The following ENOX1 variants were observed in gnomAD, a reference collection of about 807,000 sequenced individuals.
ENOX1 encodes the protein ecto-NOX disulfide-thiol exchanger 1, also known as candidate growth-related and time keeping constitutive hydroquinone (NADH) oxidase.
In ENOX1, 42 loss-of-function variants were observed where a neutral mutation model predicts 82.5. The ratio of observed to expected loss-of-function variants is 0.51; its 90% CI spans 0.40 to 0.66. ENOX1 has a LOEUF of 0.66. Among genes scored for constraint, ENOX1 ranks in the 30% least tolerant of loss-of-function variants. The pLI, the probability that ENOX1 is intolerant of heterozygous loss-of-function variation, is 0.00. For missense variants in ENOX1, 608 were observed against 811.6 expected, an observed-to-expected ratio of 0.75 and a Z score of 3.05; for synonymous variants, 271 against 282.2, an observed-to-expected ratio of 0.96 and a Z score of 0.40.
At chr13:43,463,992 T>C (rs1239605785) in intron 3 of ENOX1, among the ~76,000 whole-genome samples, 2 of 152,190 alleles carry the variant, frequency 1.3e-5, no homozygotes, top group Admixed American at 6.5e-5. Flanking sequence ...TGTGGACTAT[T>C]TGCAGGCAAG....
chr13:43,692,237 GAAA>G (rs1305536022), intron 1 of ENOX1, among the ~76,000 whole-genome samples: 1 of 152,086 alleles, frequency 6.6e-6, no homozygotes, highest in African/African-American at 2.4e-5. Context: ...TTAACATACA[GAAA>G]AAATAATTTT....
rs758590526 is a variant in ENOX1, at chr13:43,361,402, T to C, written c.259A>G (p.Ile87Val). 3 of 1,613,392 alleles carry C rather than the reference T, an allele frequency of 1.9e-6. No homozygotes were observed. The highest frequency in any genetic ancestry group is 3.3e-5 in the Admixed American group (2 of 59,816). Reference protein sequence around the residue: ...FDPSLNMMTGITPINPMIPGL... With the variant: ...FDPSLNMMTGVTPINPMIPGL... ...GGTATCATTGGGTTAATGGGGGTGA[T>C]TCCAGTCATCATGTTGAGGCTTGGA... The change falls in exon 6 of 17, where the codon ATC becomes GTC. Residue 87 changes from isoleucine to valine, a missense_variant. Transcript: ENST00000690772.
At chr13:43,754,634 G>C (rs1950549928) in intron 1 of ENOX1, among the ~76,000 whole-genome samples, 1 of 151,838 alleles carries the variant, frequency 6.6e-6, no homozygotes, top group Non-Finnish European at 1.5e-5. Flanking sequence ...ACCCAGGCTA[G>C]AGTGCAGTGG....
chr13:43,738,381 T>A (rs1359311736), intron 1 of ENOX1, among the ~76,000 whole-genome samples: 5 of 152,180 alleles, frequency 3.3e-5, no homozygotes, highest in Non-Finnish European at 7.4e-5. Context: ...ATTGAAAACA[T>A]CTAGTCTATG....
At chr13:43,664,602 C>T (rs1371076218) in intron 2 of ENOX1, among the ~76,000 whole-genome samples, 1 of 152,190 alleles carries the variant, frequency 6.6e-6, no homozygotes, top group African/African-American at 2.4e-5. Context: ...AACAAATTAA[C>T]TGTTTCAATT....
intron 8 of ENOX1, among the ~76,000 whole-genome samples, chr13:43,351,126 G>A (rs1283539818): frequency 6.6e-6 from 1 of 152,182 alleles, no homozygotes; most frequent in African/African-American, 2.4e-5. Flanking sequence ...TTTCAGTATG[G>A]TCAAAGCATT....
chr13:43,634,071 GA>G (rs1416037247), intron 2 of ENOX1, among the ~76,000 whole-genome samples: 1 of 152,142 alleles, frequency 6.6e-6, no homozygotes, highest in Non-Finnish European at 1.5e-5. Context: ...TGAACTGGCA[GA>G]AAGTTATTCA....
At chr13:43,559,185 G>T (rs1239645244) in intron 2 of ENOX1, among the ~76,000 whole-genome samples, 2 of 152,184 alleles carry the variant, frequency 1.3e-5, no homozygotes, top group African/African-American at 4.8e-5. Flanking sequence ...CAGGGGAACA[G>T]CATTTAGAGT....
At chr13:43,642,042 T>G (rs1386010024) in intron 2 of ENOX1, among the ~76,000 whole-genome samples, 1 of 152,194 alleles carries the variant, frequency 6.6e-6, no homozygotes, top group Admixed American at 6.5e-5. Flanking sequence ...AACAAGATCA[T>G]TAGATATTAT....
intron 5 of ENOX1, among the ~76,000 whole-genome samples, chr13:43,386,892 C>T (rs572293188): frequency 1.3e-5 from 2 of 152,176 alleles, no homozygotes; most frequent in South Asian, 4.1e-4. Context: ...AATATCAAAA[C>T]TTGACGTGGT....
At chr13:43,384,592 C>G (rs1399523183) in intron 5 of ENOX1, among the ~76,000 whole-genome samples, 1 of 152,172 alleles carries the variant, frequency 6.6e-6, no homozygotes, top group Non-Finnish European at 1.5e-5. Flanking sequence ...CTGAATAGAA[C>G]TACCTGGCTC....
In ENOX1 at chr13:43,356,171, C is replaced by G; in HGVS notation, c.590-19G>C. On this transcript the variant is annotated intron_variant, in intron 7 of 16. Transcript: ENST00000690772. ...CTATAACCTGAAACCAATGGAAACT[C>G]TGGTCACACCATAATGTAACAATGG... The G allele has an allele frequency of 6.2e-7, 1 of 1,610,848 alleles. No homozygotes were observed. The highest frequency in any genetic ancestry group is 8.5e-7 in the Non-Finnish European group (1 of 1,177,970).
chr13:43,488,500 G>A (rs1566359763), intron 2 of ENOX1, among the ~76,000 whole-genome samples: 1 of 152,102 alleles, frequency 6.6e-6, no homozygotes, highest in Non-Finnish European at 1.5e-5. Flanking sequence ...TTTGTTATAG[G>A]AACAACAAAG....
intron 14 of ENOX1, among the ~76,000 whole-genome samples, chr13:43,258,757 C>T (rs1178755472): frequency 6.6e-6 from 1 of 152,116 alleles, no homozygotes; most frequent in Non-Finnish European, 1.5e-5. Flanking sequence ...ACTCATTGTG[C>T]CCCACTCCTA....
chr13:43,386,013 A>G (rs576483921), intron 5 of ENOX1, among the ~76,000 whole-genome samples: 2 of 152,266 alleles, frequency 1.3e-5, no homozygotes, highest in East Asian at 3.9e-4. Context: ...TAAAAATACA[A>G]AAATTAGCTG....
intron 5 of ENOX1, among the ~76,000 whole-genome samples, chr13:43,373,025 C>T (rs1197994824): frequency 1.3e-5 from 2 of 152,154 alleles, no homozygotes; most frequent in Non-Finnish European, 2.9e-5. Context: ...ATGTACAAGG[C>T]TTCAAAGACT....
rs553574975 is a variant in ENOX1, at chr13:43,215,820, A to G, written c.1801-1699T>C. Among the ~76,000 whole-genome samples, 16 of 152,348 alleles carry G rather than the reference A, an allele frequency of 1.1e-4. No homozygotes were observed. In the South Asian group the frequency reaches 3.3e-3, roughly 32 times the overall value. On this transcript the variant is annotated intron_variant, in intron 16 of 16. Transcript: ENST00000690772. ...GCCTCTTCTCTGGAGATCCGGATTC[A>G]GCTGGTCTTGGGTGTAGCCCACATA...
chr13:43,655,806 C>G (rs1010460834), intron 2 of ENOX1, among the ~76,000 whole-genome samples: 1 of 152,192 alleles, frequency 6.6e-6, no homozygotes, highest in South Asian at 2.1e-4. Context: ...CTCATTACCT[C>G]TCCTCTTAAT....
intron 2 of ENOX1, among the ~76,000 whole-genome samples, chr13:43,492,614 G>C (rs1010055190): frequency 6.6e-6 from 1 of 152,028 alleles, no homozygotes; most frequent in Non-Finnish European, 1.5e-5. Flanking sequence ...CAAAGAAAAG[G>C]CCATTTTGTC....
Sources: allele counts gnomAD v4.1 joint callset (sites outside exome capture counted in the v4.1 genomes callset), GRCh38; gene constraint gnomAD v4.1.1; transcripts MANE v1.5; gene names NCBI Gene and HGNC (gene_info 2026-07-23, HGNC 2026-07-21).